IMMP1L: variants seen among roughly 807,000 people sequenced by gnomAD.
The protein encoded by IMMP1L is inner mitochondrial membrane peptidase subunit 1.
IMMP1L carries 24 observed loss-of-function variants against 21.8 expected under a neutral mutation model. The observed-to-expected ratio is 1.10, with a 90% CI of 0.80 to 1.55. The LOEUF (loss-of-function observed/expected upper bound fraction) is 1.55. Ranked by LOEUF, IMMP1L falls within the 40% of genes most tolerant of loss-of-function variation. IMMP1L has a pLI of 0.00. For missense variants in IMMP1L, 195 were observed against 200.7 expected (o/e 0.97, Z 0.17); for synonymous variants, 46 against 62.8 (o/e 0.73, Z 1.26).
At position 31,432,672 on chromosome 11, in the gene IMMP1L, CT is replaced by C. The variant is rs1439598630; in HGVS notation, c.433-105del. The C allele has an allele frequency of 1.6e-5, 12 of 743,978 alleles. No individual in the cohort carries two copies. The Admixed American group carries it at 2.4e-4, about 15-fold the overall frequency. The allele number at this position is 743,978 out of a possible 1,614,324, so 46.1% of individuals were successfully genotyped here. ...CCCTTTTCTCTATGCCAGATAAACA[CT>C]TTCTCCTTACTCATCAATCAAGAAT... On this transcript the variant is annotated intron_variant, in intron 5 of 5. Coordinates refer to ENST00000532287, the MANE Select transcript of IMMP1L (RefSeq NM_001304274.2).
At chr11:31,446,554 G>A (rs1211616391) in intron 4 of IMMP1L, among the ~76,000 whole-genome samples, 1 of 152,036 alleles carries the variant, frequency 6.6e-6, no homozygotes, top group East Asian at 1.9e-4. Flanking sequence ...TACCATGCTT[G>A]GCTTATACCT....
At chr11:31,509,478 A>T (rs1955924584) in intron 1 of IMMP1L, 41 bp downstream of exon 1, 1 of 434,172 alleles carries the variant, frequency 2.3e-6, no homozygotes, top group Admixed American at 3.4e-5. Flanking sequence ...ATGTGAATGA[A>T]GGCACTCAAA....
At position 31,432,544 on chromosome 11, in the gene IMMP1L, A is replaced by G. The variant is rs1277911395; in HGVS notation, c.457T>C (p.Phe153Leu). The G allele has an allele frequency of 1.9e-6, 3 of 1,613,284 alleles. No homozygotes were observed. The highest frequency in any genetic ancestry group is 2.5e-6 in the Non-Finnish European group (3 of 1,179,348). The stretch of plus-strand genomic sequence containing the variant: ...TGGCCATTAGGGCTGGCACGTAAAA[A>G]TCCAAAATCACTCAGAGGCCAAATC... ...FKIWPLSDFG[F>L]LRASPNGHRF... Residue 153 changes from phenylalanine (F) to leucine (L), a missense_variant, in exon 6 of 6, where the codon TTT becomes CTT. Physicochemically the swap from Phe to Leu is conservative, Grantham distance 22. Transcript: ENST00000532287.
chr11:31,495,549 T>C (rs1466373153), intron 1 of IMMP1L, among the ~76,000 whole-genome samples: 4 of 152,172 alleles, frequency 2.6e-5, no homozygotes, highest in Non-Finnish European at 1.5e-5. Context: ...TCGGGAAACT[T>C]ACACTCATGG....
chr11:31,433,350 T>C (rs1952988383), intron 5 of IMMP1L, 110 bp downstream of exon 5: 1 of 585,322 alleles, frequency 1.7e-6, no homozygotes, highest in African/African-American at 1.9e-5. Flanking sequence ...AAAAATATAT[T>C]CGGTGCAACA....
chr11:31,476,214 C>G (rs1284994324), intron 1 of IMMP1L, among the ~76,000 whole-genome samples: 1 of 151,984 alleles, frequency 6.6e-6, no homozygotes, highest in Non-Finnish European at 1.5e-5. Context: ...TTTTTCCAAA[C>G]AGCAAACATA....
At chr11:31,458,103 TAAAAC>T (rs1954006794) in intron 3 of IMMP1L, among the ~76,000 whole-genome samples, 1 of 152,144 alleles carries the variant, frequency 6.6e-6, no homozygotes, top group South Asian at 2.1e-4. Flanking sequence ...ATATGACCCT[TAAAAC>T]AAACTTTGCA....
intron 4 of IMMP1L, among the ~76,000 whole-genome samples, chr11:31,440,284 T>G (rs1335746504): frequency 6.6e-6 from 1 of 152,214 alleles, no homozygotes; most frequent in Non-Finnish European, 1.5e-5. Context: ...AAACAGTAGT[T>G]TCACATATTT....
intron 4 of IMMP1L, among the ~76,000 whole-genome samples, chr11:31,440,468 G>A (rs1212286608): frequency 1.3e-5 from 2 of 152,114 alleles, no homozygotes; most frequent in African/African-American, 4.8e-5. Context: ...CTGGCTCACT[G>A]CAACCTCTGC....
chr11:31,438,982 CTTTAAAGAT>C, intron 4 of IMMP1L, among the ~76,000 whole-genome samples: 1 of 152,302 alleles, frequency 6.6e-6, no homozygotes, highest in Middle Eastern at 3.4e-3. Flanking sequence ...CCACCTAACA[CTTTAAAGAT>C]TTCATTTTCT....
intron 1 of IMMP1L, among the ~76,000 whole-genome samples, chr11:31,485,937 G>A (rs1227759247): frequency 1.3e-5 from 2 of 151,804 alleles, no homozygotes; most frequent in Non-Finnish European, 3.0e-5. Flanking sequence ...TTTTTCTGAT[G>A]AAGTACTCAA....
chr11:31,503,387 A>G (rs767361563), intron 1 of IMMP1L, among the ~76,000 whole-genome samples: 10 of 152,170 alleles, frequency 6.6e-5, no homozygotes, highest in Admixed American at 5.9e-4. Context: ...ATGTAGAAGG[A>G]AATAAATGAT....
intron 3 of IMMP1L, among the ~76,000 whole-genome samples, chr11:31,460,103 GC>G (rs1954085241): frequency 6.6e-6 from 1 of 152,042 alleles, no homozygotes; most frequent in Non-Finnish European, 1.5e-5. Context: ...GCTGCAGGGA[GC>G]TGAGATCGTG....
At chr11:31,441,503 C>G (rs762782214) in intron 4 of IMMP1L, among the ~76,000 whole-genome samples, 3 of 151,982 alleles carry the variant, frequency 2.0e-5, no homozygotes, top group African/African-American at 7.2e-5. Context: ...CACATTTAAA[C>G]AAACATACAG....
chr11:31,475,751 A>G (rs780136197), intron 1 of IMMP1L, among the ~76,000 whole-genome samples: 16 of 152,212 alleles, frequency 1.1e-4, no homozygotes, highest in Non-Finnish European at 2.4e-4. Flanking sequence ...CTGTATTTTT[A>G]TGAAAAGAAT....
intron 1 of IMMP1L, among the ~76,000 whole-genome samples, chr11:31,464,131 G>T (rs113879361): frequency 6.6e-6 from 1 of 151,220 alleles, no homozygotes; most frequent in Non-Finnish European, 1.5e-5. Flanking sequence ...AAAATATATC[G>T]ATAATAATAT....
intron 1 of IMMP1L, among the ~76,000 whole-genome samples, chr11:31,482,324 GAATT>G (rs1954921991): frequency 6.6e-6 from 1 of 151,838 alleles, no homozygotes; most frequent in African/African-American, 2.4e-5. Context: ...TCTTAAACAA[GAATT>G]AAAAAGCACT....
At chr11:31,473,174 T>C (rs2133717064) in intron 1 of IMMP1L, among the ~76,000 whole-genome samples, 1 of 152,200 alleles carries the variant, frequency 6.6e-6, no homozygotes, top group South Asian at 2.1e-4. Flanking sequence ...CTCAGCCTCC[T>C]AAGTAACTGG....
intron 4 of IMMP1L, among the ~76,000 whole-genome samples, chr11:31,446,679 A>G (rs751323727): frequency 6.6e-5 from 10 of 152,168 alleles, no homozygotes; most frequent in Non-Finnish European, 1.3e-4. Flanking sequence ...CTAGGCCTTC[A>G]GAATATGCTG....
Sources: gnomAD v4.1 joint callset for allele counts (sites outside exome capture counted in the v4.1 genomes callset) on GRCh38, gnomAD v4.1.1 for gene constraint, MANE v1.5 for transcripts, NCBI Gene and HGNC (gene_info 2026-07-23, HGNC 2026-07-21) for gene names.